The following DENND2A variants were observed in gnomAD, a reference collection of about 807,000 sequenced individuals.
The protein encoded by DENND2A is DENN domain-containing protein 2A.
In DENND2A, 53 loss-of-function variants were observed where a neutral mutation model predicts 105.3. The ratio of observed to expected loss-of-function variants is 0.50; its 90% CI spans 0.40 to 0.63. The LOEUF is 0.63. Ranked by LOEUF, DENND2A falls within the 30% of genes least tolerant of loss-of-function variation. The pLI is 0.00. For synonymous variants in DENND2A, 522 were observed against 508.4 expected, an observed-to-expected ratio of 1.03 and a Z score of -0.36; for missense variants, 1,138 against 1,279.6, an observed-to-expected ratio of 0.89 and a Z score of 1.69.
chr7:140,567,967 G>T (rs1249882494), intron 8 of DENND2A, among the ~76,000 whole-genome samples: 2 of 152,124 alleles, frequency 1.3e-5, no homozygotes, highest in Non-Finnish European at 2.9e-5. Context: ...TTGAGATAGA[G>T]TCTCACTCTG....
chr7:140,533,358 TTCTCCTTGCTGTACAGCCCCTTGGG>T (rs1364778335), intron 14 of DENND2A, among the ~76,000 whole-genome samples: 1 of 152,182 alleles, frequency 6.6e-6, no homozygotes, highest in African/African-American at 2.4e-5. Context: ...GGCTGCTCCC[TTCTCCTTGCTGTACAGCCCCTTGGG>T]GCTCCTTGCT....
intron 5 of DENND2A, 113 bp from the exon 6 acceptor site, chr7:140,574,121 G>T: frequency 8.1e-7 from 1 of 1,228,658 alleles, no homozygotes; most frequent in Non-Finnish European, 1.2e-6. Flanking sequence ...ACTGGTCTAT[G>T]TTCCCAGGTT....
At chr7:140,556,589 C>T (rs1797372203) in intron 11 of DENND2A, among the ~76,000 whole-genome samples, 1 of 152,200 alleles carries the variant, frequency 6.6e-6, no homozygotes, top group Admixed American at 6.5e-5. Flanking sequence ...ACCTGCCCAC[C>T]TCAGCCTCCC....
At chr7:140,580,463 G>A (rs1412904473) in intron 5 of DENND2A, among the ~76,000 whole-genome samples, 4 of 152,044 alleles carry the variant, frequency 2.6e-5, no homozygotes, top group African/African-American at 9.7e-5. Flanking sequence ...AGGACTACAG[G>A]CATGCACCAC....
chr7:140,518,762 A>T, intron 19 of DENND2A, 24 bp from the exon 20 acceptor site: 1 of 1,611,206 alleles, frequency 6.2e-7, no homozygotes, highest in Non-Finnish European at 8.5e-7. Flanking sequence ...AAATGAGAAC[A>T]TTTCACAAGG....
At chr7:140,565,651 A>G (rs960619210) in intron 9 of DENND2A, among the ~76,000 whole-genome samples, 1 of 152,230 alleles carries the variant, frequency 6.6e-6, no homozygotes, top group Admixed American at 6.5e-5. Flanking sequence ...GCCATGGTCC[A>G]TGACATAAAA....
At chr7:140,639,946 T>A (rs1308569135) in intron 1 of DENND2A, among the ~76,000 whole-genome samples, 1 of 152,214 alleles carries the variant, frequency 6.6e-6, no homozygotes, top group East Asian at 1.9e-4. Context: ...CTGGGCTCCA[T>A]CTGCTCCCAA....
intron 1 of DENND2A, among the ~76,000 whole-genome samples, chr7:140,617,050 G>A (rs1448673689): frequency 1.3e-5 from 2 of 152,182 alleles, no homozygotes; most frequent in Non-Finnish European, 2.9e-5. Context: ...TAGAGATGGG[G>A]TTTCACCATG....
chr7:140,534,923 G>A (rs564547748), intron 14 of DENND2A, among the ~76,000 whole-genome samples: 48 of 152,296 alleles, frequency 3.2e-4, no homozygotes, highest in African/African-American at 9.6e-4. Flanking sequence ...GGGTGAGAAG[G>A]GTTGGGTCCA....
intron 17 of DENND2A, among the ~76,000 whole-genome samples, chr7:140,522,906 C>T (rs1171087115): frequency 2.6e-5 from 4 of 151,436 alleles, no homozygotes; most frequent in Non-Finnish European, 5.9e-5. Context: ...CTGTGCCTGG[C>T]CACAGTTTTT....
At chr7:140,599,792 A>G (rs1799416971) in intron 3 of DENND2A, among the ~76,000 whole-genome samples, 1 of 152,128 alleles carries the variant, frequency 6.6e-6, no homozygotes, top group Non-Finnish European at 1.5e-5. Flanking sequence ...TTACAGAGAA[A>G]GTGGGGAAAA....
chr7:140,585,184 C>G (rs752796841), intron 5 of DENND2A, among the ~76,000 whole-genome samples: 1 of 152,108 alleles, frequency 6.6e-6, no homozygotes, highest in Non-Finnish European at 1.5e-5. Flanking sequence ...GGTGACAGAG[C>G]GACAACACCC....
At chr7:140,611,011 C>T (rs1179372916) in intron 1 of DENND2A, among the ~76,000 whole-genome samples, 1 of 152,236 alleles carries the variant, frequency 6.6e-6, no homozygotes. Context: ...GGCCTGGCCT[C>T]TCGGACCGCT....
chr7:140,591,626 G>A (rs1799020134), intron 3 of DENND2A, among the ~76,000 whole-genome samples: 1 of 151,878 alleles, frequency 6.6e-6, no homozygotes, highest in South Asian at 2.1e-4. Flanking sequence ...GCTCTTCCTA[G>A]CAGTTCTTTA....
At chr7:140,546,502 G>C (rs527299300) in intron 13 of DENND2A, among the ~76,000 whole-genome samples, 4 of 152,224 alleles carry the variant, frequency 2.6e-5, no homozygotes, top group South Asian at 2.1e-4. Context: ...GAAAGAAAAC[G>C]GGCTATTAAA....
chr7:140,598,774 A>C (rs1353464289), intron 3 of DENND2A, among the ~76,000 whole-genome samples: 5 of 152,072 alleles, frequency 3.3e-5, no homozygotes, highest in African/African-American at 1.2e-4. Context: ...AATTACAAAA[A>C]CCCCCACATA....
Position 140,555,731 on chromosome 7 carries a change from C to A in DENND2A, c.1960-18G>T. On this transcript the variant is annotated intron_variant, in intron 11 of 19. Coordinates refer to ENST00000496613, the MANE Select transcript of DENND2A (RefSeq NM_015689.5). ...CCTCCAGGCTTTTCGGAGAGAAACA[C>A]AAGGGAATTATGAGTGTTGACAACC... 1 of 1,588,088 alleles carries A rather than the reference C, an allele frequency of 6.3e-7. No homozygotes were observed. The highest frequency in any genetic ancestry group is 8.5e-7 in the Non-Finnish European group (1 of 1,172,468).
intron 12 of DENND2A, among the ~76,000 whole-genome samples, chr7:140,550,602 T>C (rs1360258859): frequency 2.0e-5 from 3 of 152,202 alleles, no homozygotes; most frequent in Non-Finnish European, 4.4e-5. Context: ...ATTACAGGTG[T>C]GAGCCACTTC....
chr7:140,621,066 G>A (rs1800272512), intron 1 of DENND2A, among the ~76,000 whole-genome samples: 1 of 152,176 alleles, frequency 6.6e-6, no homozygotes, highest in Non-Finnish European at 1.5e-5. Context: ...GTCTCGCTCT[G>A]TCGCCAGGCT....
Sources: gnomAD v4.1 joint callset for allele counts (sites outside exome capture counted in the v4.1 genomes callset) on GRCh38, gnomAD v4.1.1 for gene constraint, MANE v1.5 for transcripts, NCBI Gene and HGNC (gene_info 2026-07-23, HGNC 2026-07-21) for gene names.